The following HS6ST3 variants were observed in gnomAD, a reference collection of about 807,000 sequenced individuals.
HS6ST3 encodes the protein heparan-sulfate 6-O-sulfotransferase 3.
HS6ST3 carries 12 observed loss-of-function variants against 36.7 expected under a neutral mutation model. The observed-to-expected ratio is 0.33, with a 90% CI of 0.21 to 0.53. HS6ST3 has a LOEUF of 0.53. Among genes scored for constraint, HS6ST3 ranks in the 20% least tolerant of loss-of-function variants. The pLI is 0.95. For synonymous variants in HS6ST3, 240 were observed against 257.5 expected (o/e 0.93, Z 0.65); for missense variants, 584 against 640.9 (o/e 0.91, Z 0.96).
chr13:96,755,941 C>T (rs1450103014), intron 1 of HS6ST3, among the ~76,000 whole-genome samples: 1 of 152,194 alleles, frequency 6.6e-6, no homozygotes, highest in East Asian at 1.9e-4. Flanking sequence ...CCAGTTCACA[C>T]TCCCAACTGT....
chr13:96,238,440 G>T (rs1290942735), intron 1 of HS6ST3, among the ~76,000 whole-genome samples: 1 of 152,136 alleles, frequency 6.6e-6, no homozygotes, highest in African/African-American at 2.4e-5. Flanking sequence ...CTTTATGATG[G>T]CCGACAAGGC....
chr13:96,161,729 C>G (rs1037500570), intron 1 of HS6ST3, among the ~76,000 whole-genome samples: 2 of 152,146 alleles, frequency 1.3e-5, no homozygotes, highest in African/African-American at 4.8e-5. Context: ...CCAACAAATT[C>G]ATATCTGTGC....
chr13:96,100,282 T>C (rs1006299785), intron 1 of HS6ST3, among the ~76,000 whole-genome samples: 23 of 152,158 alleles, frequency 1.5e-4, no homozygotes, highest in African/African-American at 5.6e-4. Flanking sequence ...AATGTATATT[T>C]ATCTACTTAT....
intron 1 of HS6ST3, among the ~76,000 whole-genome samples, chr13:96,503,101 G>GT (rs201037861): frequency 0.01 from 1,570 of 151,266 alleles, 21 homozygotes; most frequent in African/African-American, 0.031. Context: ...TGCATATGTG[G>GT]TTTTTTTTTG....
chr13:96,389,610 A>C (rs943558626), intron 1 of HS6ST3, among the ~76,000 whole-genome samples: 1 of 152,302 alleles, frequency 6.6e-6, no homozygotes, highest in Non-Finnish European at 1.5e-5. Context: ...CCGTCTCCCT[A>C]AATCTCATCT....
intron 1 of HS6ST3, among the ~76,000 whole-genome samples, chr13:96,609,639 T>G (rs561739658): frequency 6.6e-6 from 1 of 152,294 alleles, no homozygotes; most frequent in Admixed American, 6.5e-5. Context: ...TCCCATCTTG[T>G]GCCAGATGAT....
At chr13:96,671,206 G>A (rs1332658779) in intron 1 of HS6ST3, among the ~76,000 whole-genome samples, 1 of 152,110 alleles carries the variant, frequency 6.6e-6, no homozygotes, top group African/African-American at 2.4e-5. Flanking sequence ...TGCTCCAAGT[G>A]TCATCAGAGC....
At chr13:96,564,956 G>A (rs1366089624) in intron 1 of HS6ST3, among the ~76,000 whole-genome samples, 1 of 152,138 alleles carries the variant, frequency 6.6e-6, no homozygotes, top group Non-Finnish European at 1.5e-5. Context: ...GCTATGGCAG[G>A]TGGAATGCTA....
At chr13:96,257,283 A>G (rs1240624100) in intron 1 of HS6ST3, among the ~76,000 whole-genome samples, 1 of 152,206 alleles carries the variant, frequency 6.6e-6, no homozygotes, top group Admixed American at 6.5e-5. Flanking sequence ...CATCTGCAGG[A>G]AAAGTTTAAT....
Position 96,833,325 on chromosome 13 carries a change from C to A in HS6ST3, c.*127C>A, listed in dbSNP as rs879532645. On this transcript the variant is annotated 3_prime_UTR_variant, in exon 2 of 2. Transcript: ENST00000376705. ...TGTGTGTGCTTGATTTGGACATCTTCTTCCTTCTTTGTCTTCATTTTTATC... is the reference window on the plus strand; with the variant it reads ...TGTGTGTGCTTGATTTGGACATCTTATTCCTTCTTTGTCTTCATTTTTATC... 39 of 679,336 alleles carry A rather than the reference C, an allele frequency of 5.7e-5. No individual in the cohort carries two copies. The highest frequency in any genetic ancestry group is 2.0e-4 in the Admixed American group (6 of 30,764). 42.1% of individuals were successfully genotyped at this position (679,336 alleles called of 1,614,324 possible).
intron 1 of HS6ST3, among the ~76,000 whole-genome samples, chr13:96,362,471 T>C (rs576587641): frequency 1.3e-5 from 2 of 152,268 alleles, no homozygotes; most frequent in South Asian, 4.1e-4. Flanking sequence ...TTATTTAAAG[T>C]CCGAGGTAGA....
At chr13:96,164,814 G>A (rs1390871384) in intron 1 of HS6ST3, among the ~76,000 whole-genome samples, 1 of 152,162 alleles carries the variant, frequency 6.6e-6, no homozygotes, top group Non-Finnish European at 1.5e-5. Context: ...TAATTAGGAT[G>A]AAGCTGGGCC....
intron 1 of HS6ST3, among the ~76,000 whole-genome samples, chr13:96,104,735 C>T (rs1190182910): frequency 1.3e-5 from 2 of 152,214 alleles, no homozygotes; most frequent in Non-Finnish European, 2.9e-5. Flanking sequence ...TACCCTGTCT[C>T]ACTGGTTTCT....
chr13:96,773,946 G>A (rs772761052), intron 1 of HS6ST3, among the ~76,000 whole-genome samples: 7 of 152,150 alleles, frequency 4.6e-5, no homozygotes, highest in African/African-American at 9.6e-5. Context: ...GGCATCTGGC[G>A]GATGCCCTTC....
intron 1 of HS6ST3, among the ~76,000 whole-genome samples, chr13:96,207,801 G>A (rs1868823258): frequency 6.6e-6 from 1 of 152,052 alleles, no homozygotes; most frequent in African/African-American, 2.4e-5. Context: ...CGTGGTTGTG[G>A]GGAACAACAC....
intron 1 of HS6ST3, among the ~76,000 whole-genome samples, chr13:96,486,987 G>A (rs181954552): frequency 5.3e-5 from 8 of 152,202 alleles, no homozygotes; most frequent in East Asian, 3.9e-4. Context: ...CTGGGAACTC[G>A]AAGAGATAAA....
intron 1 of HS6ST3, among the ~76,000 whole-genome samples, chr13:96,357,489 A>G (rs2055215892): frequency 6.6e-6 from 1 of 152,204 alleles, no homozygotes; most frequent in South Asian, 2.1e-4. Flanking sequence ...CAGGGAATAG[A>G]GAGGCATGAG....
chr13:96,440,153 A>T (rs1453181821), intron 1 of HS6ST3, among the ~76,000 whole-genome samples: 1 of 152,194 alleles, frequency 6.6e-6, no homozygotes, highest in Non-Finnish European at 1.5e-5. Context: ...TAGTATAGAA[A>T]CAAAGAGGGT....
At chr13:96,490,358 GAAC>G (rs1394298047) in intron 1 of HS6ST3, among the ~76,000 whole-genome samples, 1 of 152,080 alleles carries the variant, frequency 6.6e-6, no homozygotes, top group Non-Finnish European at 1.5e-5. Flanking sequence ...TAACCTAAAT[GAAC>G]TGGTCATGGG....
Sources: allele counts gnomAD v4.1 joint callset (sites outside exome capture counted in the v4.1 genomes callset), GRCh38; gene constraint gnomAD v4.1.1; transcripts MANE v1.5; gene names NCBI Gene and HGNC (gene_info 2026-07-23, HGNC 2026-07-21).